Variants in KCNMA1 observed in about 807,000 individuals in gnomAD.
The protein encoded by KCNMA1 is potassium calcium-activated channel subfamily M alpha 1.
KCNMA1 carries 29 observed loss-of-function variants against 140.0 expected under a neutral mutation model. The ratio of observed to expected loss-of-function variants is 0.21; its 90% CI spans 0.15 to 0.28. The LOEUF is 0.28. Among genes scored for constraint, KCNMA1 ranks in the 10% least tolerant of loss-of-function variants. KCNMA1 has a pLI of 1.00. For synonymous variants in KCNMA1, 612 were observed against 611.9 expected, an observed-to-expected ratio of 1.00 and a Z score of 0.00; for missense variants, 880 against 1,602.2, an observed-to-expected ratio of 0.55 and a Z score of 7.70.
chr10:76,920,101 G>C (rs1156430157), intron 23 of KCNMA1, among the ~76,000 whole-genome samples: 1 of 141,176 alleles, frequency 7.1e-6, no homozygotes, highest in African/African-American at 2.6e-5. Flanking sequence ...CTATGGCTCA[G>C]ACAAGATATA....
chr10:77,105,753 A>T (rs1362175832), intron 9 of KCNMA1, among the ~76,000 whole-genome samples: 1 of 152,130 alleles, frequency 6.6e-6, no homozygotes, highest in Non-Finnish European at 1.5e-5. Flanking sequence ...AATGCATTTA[A>T]TTTTATCTGG....
chr10:77,271,030 A>G (rs758104077), intron 2 of KCNMA1, among the ~76,000 whole-genome samples: 2 of 152,214 alleles, frequency 1.3e-5, no homozygotes, highest in Non-Finnish European at 2.9e-5. Flanking sequence ...GAAATACTTC[A>G]TGCACCTGAC....
chr10:77,137,264 G>T (rs2098062713), intron 5 of KCNMA1, among the ~76,000 whole-genome samples: 1 of 152,080 alleles, frequency 6.6e-6, no homozygotes, highest in Admixed American at 6.5e-5. Context: ...GCCTGCCAGG[G>T]TTTTCCAATT....
chr10:77,203,490 G>A (rs1406578290), intron 3 of KCNMA1, among the ~76,000 whole-genome samples: 1 of 151,912 alleles, frequency 6.6e-6, no homozygotes, highest in African/African-American at 2.4e-5. Flanking sequence ...TTTTCTTCCT[G>A]GGTGCTTCTG....
intron 1 of KCNMA1, among the ~76,000 whole-genome samples, chr10:77,404,665 C>T (rs1428874393): frequency 6.6e-6 from 1 of 152,130 alleles, no homozygotes; most frequent in East Asian, 1.9e-4. Flanking sequence ...GTGGTCTTTG[C>T]CTACCCAGCC....
At chr10:77,143,482 A>C (rs2098225512) in intron 5 of KCNMA1, among the ~76,000 whole-genome samples, 1 of 152,160 alleles carries the variant, frequency 6.6e-6, no homozygotes, top group African/African-American at 2.4e-5. Context: ...CACCAATACA[A>C]CTCAATGAGA....
chr10:77,454,305 T>A (rs1292542796), intron 1 of KCNMA1, among the ~76,000 whole-genome samples: 1 of 152,192 alleles, frequency 6.6e-6, no homozygotes, highest in African/African-American at 2.4e-5. Context: ...CATTTCAAAG[T>A]GCCTCTCTAG....
At chr10:76,969,315 A>AAGGG (rs2075279177) in intron 20 of KCNMA1, among the ~76,000 whole-genome samples, 1 of 80,194 alleles carries the variant, frequency 1.2e-5, no homozygotes, top group Non-Finnish European at 2.3e-5. Context: ...GGAAGGAAGG[A>AAGGG]AGGAAGGAAG....
At position 77,021,867 on chromosome 10, in the gene KCNMA1, A is replaced by C. The variant is rs569798158; in HGVS notation, c.1929-2768T>G. ...AGTCCTTGAAATAATGAAAGAAAGA[A>C]ATCTAGATACATAAAGATGCTCTTG... is the stretch of plus-strand genomic sequence containing the variant. On this transcript the variant is annotated intron_variant, in intron 16 of 27. Transcript: ENST00000286628. Among the ~76,000 whole-genome samples the C allele has an allele frequency of 1.1e-3, 160 of 152,340 alleles. 5 individuals carry two copies. In the South Asian group the frequency reaches 0.032, roughly 31 times the overall value.
chr10:77,554,775 C>T (rs2063794029), intron 1 of KCNMA1, among the ~76,000 whole-genome samples: 1 of 152,082 alleles, frequency 6.6e-6, no homozygotes, highest in South Asian at 2.1e-4. Context: ...GGTGCCATCT[C>T]CAAAGACTCC....
chr10:77,451,275 T>C (rs964827938), intron 1 of KCNMA1, among the ~76,000 whole-genome samples: 1 of 152,156 alleles, frequency 6.6e-6, no homozygotes, highest in Non-Finnish European at 1.5e-5. Context: ...CTTCCTCTTA[T>C]TGTCATCCTG....
chr10:77,192,213 T>C (rs889941482), intron 3 of KCNMA1, among the ~76,000 whole-genome samples: 3 of 152,312 alleles, frequency 2.0e-5, no homozygotes, highest in East Asian at 3.9e-4. Context: ...ACAGAGAGAA[T>C]GGAATATGTC....
At chr10:77,268,942 T>A (rs2064202774) in intron 2 of KCNMA1, among the ~76,000 whole-genome samples, 1 of 152,066 alleles carries the variant, frequency 6.6e-6, no homozygotes, top group Non-Finnish European at 1.5e-5. Flanking sequence ...AGAAACACAA[T>A]CCAAGCATCT....
At chr10:77,430,295 C>T (rs1413237482) in intron 1 of KCNMA1, among the ~76,000 whole-genome samples, 1 of 152,186 alleles carries the variant, frequency 6.6e-6, no homozygotes, top group East Asian at 1.9e-4. Flanking sequence ...TTCCTCTACT[C>T]TATGTTTACT....
chr10:76,907,030 C>A (rs1282674120), intron 25 of KCNMA1, among the ~76,000 whole-genome samples: 2 of 152,184 alleles, frequency 1.3e-5, no homozygotes, highest in Non-Finnish European at 2.9e-5. Flanking sequence ...CAAGAGTATT[C>A]ACATTATTGT....
At chr10:77,353,977 G>GC (rs1238972764) in intron 2 of KCNMA1, among the ~76,000 whole-genome samples, 1 of 143,776 alleles carries the variant, frequency 7.0e-6, no homozygotes, top group African/African-American at 2.7e-5. Flanking sequence ...TTTTGGGGGG[G>GC]GGGGTGGTGG....
Position 77,588,463 on chromosome 10 carries a change from T to A in KCNMA1, c.378+48802A>T, listed in dbSNP as rs184054892. On this transcript the variant is annotated intron_variant, in intron 1 of 27. Transcript: ENST00000286628. The stretch of plus-strand genomic sequence containing the variant: ...CTGCAGTCTGGGCCCTGATATTTTA[T>A]CATATCAAAGTAAGGAGGATCATGA... 4.9e-3 allele frequency among the ~76,000 whole-genome samples: 740 copies of A among 152,266 alleles called. 11 individuals are homozygous for A. Among genetic ancestry groups the A allele is most frequent in the Non-Finnish European group, 3.2e-3 (219 of 68,022 alleles).
intron 5 of KCNMA1, among the ~76,000 whole-genome samples, chr10:77,126,518 T>G (rs1161103976): frequency 6.6e-6 from 1 of 152,190 alleles, no homozygotes; most frequent in Non-Finnish European, 1.5e-5. Flanking sequence ...CAAGACTGCA[T>G]TAAATGAATA....
At chr10:77,471,032 T>C (rs1310865519) in intron 1 of KCNMA1, among the ~76,000 whole-genome samples, 1 of 150,922 alleles carries the variant, frequency 6.6e-6, no homozygotes, top group Non-Finnish European at 1.5e-5. Context: ...CAACACACAC[T>C]ACACACTGCA....
Sources: allele counts gnomAD v4.1 joint callset (sites outside exome capture counted in the v4.1 genomes callset), GRCh38; gene constraint gnomAD v4.1.1; transcripts MANE v1.5; gene names NCBI Gene and HGNC (gene_info 2026-07-23, HGNC 2026-07-21).